SHANK2: variants seen among roughly 807,000 people sequenced by gnomAD.
SHANK2 encodes SH3 and multiple ankyrin repeat domains protein 2.
SHANK2 carries 43 observed loss-of-function variants against 133.7 expected under a neutral mutation model. The ratio of observed to expected loss-of-function variants is 0.32; its 90% CI spans 0.25 to 0.41. The LOEUF (loss-of-function observed/expected upper bound fraction) is 0.41, where lower values mean the gene tolerates loss of function less well. Among genes scored for constraint, SHANK2 ranks in the 10% least tolerant of loss-of-function variants. The probability of loss-of-function intolerance (pLI) is 1.00; values close to 1 mark genes in which losing one functional copy is unlikely to be tolerated. For synonymous variants in SHANK2, 1,017 were observed against 952.8 expected (o/e 1.07, Z -1.24); for missense variants, 1,994 against 2,235.8 (o/e 0.89, Z 2.18).
At chr11:71,093,095 T>C (rs1951547884) in intron 7 of SHANK2, among the ~76,000 whole-genome samples, 1 of 148,984 alleles carries the variant, frequency 6.7e-6, no homozygotes, top group Non-Finnish European at 1.5e-5. Flanking sequence ...ACATTTCTAG[T>C]TCTGAAATAG....
At chr11:70,950,045 A>C in intron 10 of SHANK2, 1 of 456,660 alleles carries the variant, frequency 2.2e-6, no homozygotes, top group South Asian at 1.5e-5. Context: ...GGGCGGAAAG[A>C]CAAGGCAGTT....
In SHANK2 at chr11:71,113,276, G is replaced by GCCC. The variant is rs1555099753; in HGVS notation, c.483+14_483+16dup. 3.2e-6 allele frequency: 5 copies of GCCC among 1,550,532 alleles called. No homozygotes were observed. The highest frequency in any genetic ancestry group is 4.4e-6 in the Non-Finnish European group (5 of 1,146,064). On this transcript the variant is annotated intron_variant, in intron 5 of 25. Transcript: ENST00000601538. Reference sequence around the variant, plus strand: ...CCGCCTGCCTAACGTGTAAATAACAGCCCGTTCCCTGCATACCTTCGTGTG... The same window carrying GCCC: ...CCGCCTGCCTAACGTGTAAATAACAGCCCCCCGTTCCCTGCATACCTTCGTGTG...
At chr11:71,100,538 T>C (rs1951700740) in intron 6 of SHANK2, among the ~76,000 whole-genome samples, 1 of 152,150 alleles carries the variant, frequency 6.6e-6, no homozygotes, top group African/African-American at 2.4e-5. Context: ...GCTGTGTGAT[T>C]CCAACTCGAT....
chr11:71,232,307 C>T (rs551801245), intron 1 of SHANK2, among the ~76,000 whole-genome samples: 17 of 152,268 alleles, frequency 1.1e-4, no homozygotes, highest in African/African-American at 3.6e-4. Context: ...GAATCTCGAC[C>T]GCGTCAACAT....
chr11:70,552,172 G>A (rs1554978276), intron 17 of SHANK2, among the ~76,000 whole-genome samples: 1 of 152,206 alleles, frequency 6.6e-6, no homozygotes, highest in Non-Finnish European at 1.5e-5. Context: ...AATATGAGTA[G>A]GTGAGGTGAC....
At chr11:70,657,467 A>C (rs1195762962) in intron 17 of SHANK2, among the ~76,000 whole-genome samples, 2 of 152,180 alleles carry the variant, frequency 1.3e-5, no homozygotes, top group South Asian at 2.1e-4. Flanking sequence ...AACTCAATGG[A>C]ATTCTCAGTC....
At chr11:70,573,422 A>G (rs1554983530) in intron 17 of SHANK2, among the ~76,000 whole-genome samples, 1 of 151,584 alleles carries the variant, frequency 6.6e-6, no homozygotes, top group African/African-American at 2.4e-5. Context: ...AACTTATAGA[A>G]TTGCACACTT....
intron 17 of SHANK2, among the ~76,000 whole-genome samples, chr11:70,617,605 A>G (rs2060768711): frequency 6.6e-6 from 1 of 152,204 alleles, no homozygotes; most frequent in Non-Finnish European, 1.5e-5. Flanking sequence ...CACGGGACCT[A>G]CAAAGCCTAG....
At chr11:71,115,539 CA>C (rs1415444816) in intron 4 of SHANK2, among the ~76,000 whole-genome samples, 1 of 152,152 alleles carries the variant, frequency 6.6e-6, no homozygotes, top group African/African-American at 2.4e-5. Flanking sequence ...GCAGCAGCTG[CA>C]AAGTCAATTT....
At chr11:70,805,514 T>C (rs1555051633) in intron 13 of SHANK2, among the ~76,000 whole-genome samples, 1 of 152,126 alleles carries the variant, frequency 6.6e-6, no homozygotes, top group East Asian at 1.9e-4. Context: ...CTTAACATCC[T>C]TGTCACCCGA....
intron 17 of SHANK2, among the ~76,000 whole-genome samples, chr11:70,545,518 T>G (rs564094492): frequency 6.6e-6 from 1 of 152,212 alleles, no homozygotes; most frequent in East Asian, 1.9e-4. Context: ...GGTCTTGGTT[T>G]TCTCCCCTGA....
At chr11:70,606,080 C>A (rs1374350975) in intron 17 of SHANK2, among the ~76,000 whole-genome samples, 1 of 152,164 alleles carries the variant, frequency 6.6e-6, no homozygotes, top group Non-Finnish European at 1.5e-5. Flanking sequence ...GAGTGCTCTG[C>A]TGCCAGGAAG....
In SHANK2 at chr11:70,588,512, G is replaced by C. The variant is rs142345940; in HGVS notation, c.2061+71316C>G. Among the ~76,000 whole-genome samples the C allele has an allele frequency of 6.3e-3, 967 of 152,314 alleles. 10 individuals are homozygous for C. The highest frequency in any genetic ancestry group is 0.021 in the African/African-American group (858 of 41,568). On this transcript the variant is annotated intron_variant, in intron 17 of 25. Transcript: ENST00000601538. ...CAACCATATCACTGATATGGAGAAA[G>C]TTTTAACTGGTTTGGATAGAAAATC...
At chr11:70,678,243 C>G (rs1258632166) in intron 15 of SHANK2, among the ~76,000 whole-genome samples, 1 of 152,066 alleles carries the variant, frequency 6.6e-6, no homozygotes, top group African/African-American at 2.4e-5. Flanking sequence ...ACCTCCTGGG[C>G]TCAAGCAATT....
intron 17 of SHANK2, among the ~76,000 whole-genome samples, chr11:70,514,600 G>A (rs1410231611): frequency 2.0e-5 from 3 of 152,194 alleles, no homozygotes; most frequent in African/African-American, 7.2e-5. Context: ...TGAAGAAGAT[G>A]CATCTATATG....
chr11:70,548,860 A>G (rs1354185107), intron 17 of SHANK2, among the ~76,000 whole-genome samples: 2 of 152,096 alleles, frequency 1.3e-5, no homozygotes, highest in African/African-American at 2.4e-5. Context: ...GCATGGTGGG[A>G]AGGAGGCCAG....
In SHANK2 at chr11:71,118,843, C is replaced by T. The variant is rs1463147374; in HGVS notation, c.397G>A (p.Val133Ile). The change falls in exon 4 of 26, where the codon GTT becomes ATT. Residue 133 changes from valine (V) to isoleucine (I), a missense_variant. Val to Ile is a conservative substitution (Grantham distance 29). Around this residue, in one of 5 missense-constraint regions of SHANK2, gnomAD observed 653 missense variants for 563.4 expected, o/e 1.16. Coordinates refer to ENST00000601538, the MANE Select transcript of SHANK2 (RefSeq NM_012309.5). ...CTGAAATATACCTCCAGGGAAGGAACGCCCTCACCCACGGGCTGTGGGTAC... is the reference window on the plus strand; with the variant it reads ...CTGAAATATACCTCCAGGGAAGGAATGCCCTCACCCACGGGCTGTGGGTAC... ...REYPQPVGEG[V>I]PSLEFRYKKR... is the part of the protein sequence containing the mutation. The T allele has an allele frequency of 1.3e-5, 20 of 1,549,104 alleles. No homozygotes were observed. In the African/African-American group the frequency reaches 1.5e-4, roughly 12 times the overall value.
intron 11 of SHANK2, among the ~76,000 whole-genome samples, chr11:70,839,094 G>A (rs1375689253): frequency 3.3e-5 from 5 of 152,174 alleles, no homozygotes; most frequent in Non-Finnish European, 7.3e-5. Flanking sequence ...CCATCACTAT[G>A]GGAAAGCAGA....
chr11:70,725,125 C>A (rs1312701258), intron 14 of SHANK2, among the ~76,000 whole-genome samples: 8 of 152,090 alleles, frequency 5.3e-5, no homozygotes, highest in Admixed American at 4.6e-4. Context: ...TAAGCTAAGG[C>A]CATTATAAGA....
Sources: gnomAD v4.1 joint callset for allele counts (sites outside exome capture counted in the v4.1 genomes callset) on GRCh38, gnomAD v4.1.1 for gene constraint, gnomAD v4.1.1 regional missense constraint, MANE v1.5 for transcripts, NCBI Gene and HGNC (gene_info 2026-07-23, HGNC 2026-07-21) for gene names.